USP39: variants seen among roughly 807,000 people sequenced by gnomAD.
The protein encoded by USP39 is ubiquitin specific peptidase 39, also known as ubiquitin carboxyl-terminal hydrolase 39.
USP39 carries 38 observed loss-of-function variants against 66.4 expected under a neutral mutation model. The observed-to-expected ratio is 0.57, with a 90% CI of 0.44 to 0.75. The LOEUF is 0.75. Ranked by LOEUF, USP39 falls within the 30% of genes least tolerant of loss-of-function variation. The probability of loss-of-function intolerance (pLI) is 0.00; values close to 1 mark genes in which losing one functional copy is unlikely to be tolerated. For synonymous variants in USP39, 303 were observed against 274.6 expected, an observed-to-expected ratio of 1.10 and a Z score of -1.02; for missense variants, 608 against 714.4, an observed-to-expected ratio of 0.85 and a Z score of 1.70.
rs570296470 is a variant in USP39 at position 85,638,543 on chromosome 2, T to A, written c.1096-660T>A. Reference sequence around the variant, plus strand: ...GTTTAATTTAATTAATTAATTAATTTATTTATTTTATTGAGACGGAGTTTC... The same window carrying A: ...GTTTAATTTAATTAATTAATTAATTAATTTATTTTATTGAGACGGAGTTTC... On this transcript the variant is annotated intron_variant, in intron 8 of 12. Transcript: ENST00000323701. Among the ~76,000 whole-genome samples, 912 of 151,956 alleles carry A rather than the reference T, an allele frequency of 6.0e-3. 7 individuals carry two copies. Among genetic ancestry groups the A allele is most frequent in the Non-Finnish European group, 0.01 (707 of 67,972 alleles).
chr2:85,613,187 C>T (rs993239209), upstream of USP39, among the ~76,000 whole-genome samples: 2 of 151,678 alleles, frequency 1.3e-5, no homozygotes, highest in African/African-American at 2.4e-5. Flanking sequence ...AGCGAGACAT[C>T]GTCTCTACAA....
upstream of USP39, among the ~76,000 whole-genome samples, chr2:85,609,840 C>A (rs1043801010): frequency 6.6e-6 from 1 of 151,916 alleles, no homozygotes; most frequent in Non-Finnish European, 1.5e-5. Context: ...GCCACCACAT[C>A]CAGCTAATTT....
intron 6 of USP39, among the ~76,000 whole-genome samples, chr2:85,634,122 C>A (rs1675581660): frequency 6.7e-6 from 1 of 148,358 alleles, no homozygotes; most frequent in South Asian, 2.3e-4. Flanking sequence ...CAGGCGTGAG[C>A]CACCACGCCC....
chr2:85,649,078 C>T lies in USP39; in HGVS notation c.*270C>T. ...CTAGCTTCAGCAGGGCAGAACCCTT[C>T]TCCAGATGTGTGTAACTTATGTCTT... On this transcript the variant is annotated 3_prime_UTR_variant, in exon 13 of 13. Transcript: ENST00000323701. 6.7e-6 allele frequency: 3 copies of T among 444,502 alleles called. No homozygotes were observed. Among genetic ancestry groups the T allele is most frequent in the South Asian group, 5.9e-5 (2 of 33,660 alleles). 27.5% of individuals were successfully genotyped at this position (444,502 alleles called of 1,614,324 possible).
At chr2:85,635,983 C>T (rs1170434851) in intron 6 of USP39, 70 bp from the exon 7 acceptor site, 44 of 1,457,946 alleles carry the variant, frequency 3.0e-5, no homozygotes, top group Non-Finnish European at 3.9e-5. Context: ...GGAATGCCAA[C>T]CAGTGCATGG....
chr2:85,616,092 G>T, upstream of USP39: 1 of 1,348,746 alleles, frequency 7.4e-7, no homozygotes. Flanking sequence ...GTGGCGACTC[G>T]TAGAGAGTTC....
chr2:85,618,621 ATTAG>A (rs945371805), intron 1 of USP39, among the ~76,000 whole-genome samples: 10 of 152,036 alleles, frequency 6.6e-5, no homozygotes, highest in Admixed American at 1.3e-4. Context: ...TTGTATTACA[ATTAG>A]TTTATTTTAG....
At position 85,623,731 on chromosome 2, in the gene USP39, C is replaced by T; in HGVS notation, c.519C>T (p.Tyr173=). 1.2e-6 allele frequency: 2 copies of T among 1,613,932 alleles called. No homozygotes were observed. The highest frequency in any genetic ancestry group is 8.5e-7 in the Non-Finnish European group (1 of 1,179,928). The change falls in exon 4 of 13, where the codon TAC becomes TAT. Residue 173 remains tyrosine (Y), a synonymous_variant. Coordinates refer to ENST00000323701, the MANE Select transcript of USP39 (RefSeq NM_006590.4). ...VFLNLHTLKF[Y]CLPDNYEIID... is the part of the protein sequence containing the mutation. ...TCAACCTCCACACCCTCAAGTTTTA[C>T]TGCCTTCCAGACAACTATGAGATCA...
chr2:85,639,516 G>T, intron 9 of USP39, 125 bp downstream of exon 9: 1 of 1,009,752 alleles, frequency 9.9e-7, no homozygotes, highest in Non-Finnish European at 1.4e-6. Flanking sequence ...GTGCAGTGGC[G>T]TGATTTCGGC....
intron 2 of USP39, 175 bp from the exon 3 acceptor site, chr2:85,621,310 G>A: frequency 1.7e-6 from 1 of 571,746 alleles, no homozygotes; most frequent in Middle Eastern, 3.6e-4. Context: ...CAGTGCTTTG[G>A]AGCATGGCGG....
At chr2:85,648,157 G>T in intron 12 of USP39, 141 bp downstream of exon 12, 1 of 735,096 alleles carries the variant, frequency 1.4e-6, no homozygotes, top group Non-Finnish European at 2.2e-6. Context: ...TTAGTAGTGA[G>T]TTGGGGGCAG....
chr2:85,629,013 G>T (rs898949738), intron 5 of USP39, among the ~76,000 whole-genome samples: 22 of 152,256 alleles, frequency 1.4e-4, no homozygotes, highest in Middle Eastern at 3.4e-3. Flanking sequence ...GACCTGTGGG[G>T]ATACTGCATT....
At chr2:85,639,454 CTTTTTTT>C (rs10660019) in intron 9 of USP39, 63 bp downstream of exon 9, 59 of 1,178,160 alleles carry the variant, frequency 5.0e-5, no homozygotes, top group East Asian at 8.6e-5. Context: ...TTTTCATTTT[CTTTTTTT>C]TTTTTTTTTC....
chr2:85,639,510 A>C, intron 9 of USP39, 119 bp downstream of exon 9: 1 of 1,099,258 alleles, frequency 9.1e-7, no homozygotes. Flanking sequence ...GCTGGAGTGC[A>C]GTGGCGTGAT....
chr2:85,611,277 T>G, upstream of USP39: 1 of 1,410,338 alleles, frequency 7.1e-7, no homozygotes, highest in Non-Finnish European at 9.2e-7. Context: ...TTAACCAGTG[T>G]GATCTCTAGG....
intron 9 of USP39, 99 bp downstream of exon 9, chr2:85,639,490 T>C (rs1053466758): frequency 3.6e-5 from 48 of 1,333,682 alleles, no homozygotes; most frequent in Non-Finnish European, 4.5e-5. Flanking sequence ...GTTTTGCTCT[T>C]GTCGCCCAGG....
chr2:85,616,186 G>A lies in USP39; in HGVS notation c.-10G>A, dbSNP rs111951123. ...GGCGCCTGCGCTGGACGACTCGGCCGGTAGTGGAGATGTCCGGCCGGTCTA... is the reference window on the plus strand; with the variant it reads ...GGCGCCTGCGCTGGACGACTCGGCCAGTAGTGGAGATGTCCGGCCGGTCTA... On this transcript the variant is annotated 5_prime_UTR_variant, in exon 1 of 13. Coordinates refer to ENST00000323701, the MANE Select transcript of USP39 (RefSeq NM_006590.4). 6.3e-6 allele frequency: 9 copies of A among 1,429,318 alleles called. No individual in the cohort carries two copies. Among genetic ancestry groups the A allele is most frequent in the African/African-American group, 1.5e-5 (1 of 66,552 alleles). The allele number at this position is 1,429,318 out of a possible 1,614,324, so 88.5% of individuals were successfully genotyped here. A position where few individuals can be genotyped will look rare whatever the true frequency, so the allele number is the denominator to read the frequency against.
intron 3 of USP39, among the ~76,000 whole-genome samples, chr2:85,621,792 T>C (rs1047890845): frequency 1.3e-5 from 2 of 152,190 alleles, no homozygotes; most frequent in East Asian, 1.9e-4. Context: ...TATGAAAGAC[T>C]GTAATCTTAA....
At chr2:85,611,279 A>T, upstream of USP39, 1 of 1,412,084 alleles carries the variant, frequency 7.1e-7, no homozygotes, top group Non-Finnish European at 9.2e-7. Context: ...AACCAGTGTG[A>T]TCTCTAGGTA....
Sources: allele counts gnomAD v4.1 joint callset (sites outside exome capture counted in the v4.1 genomes callset), GRCh38; gene constraint gnomAD v4.1.1; transcripts MANE v1.5; gene names NCBI Gene and HGNC (gene_info 2026-07-23, HGNC 2026-07-21).